Variants in EXOC6 observed in about 807,000 individuals in gnomAD.
EXOC6 encodes SEC15-like 1.
EXOC6 carries 60 observed loss-of-function variants against 112.5 expected under a neutral mutation model. The observed-to-expected ratio is 0.53, with a 90% CI of 0.43 to 0.66. The LOEUF is 0.66. EXOC6 is among the 30% of genes least tolerant of loss of function. The pLI is 0.00. For missense variants in EXOC6, 855 were observed against 957.1 expected, an observed-to-expected ratio of 0.89 and a Z score of 1.41; for synonymous variants, 295 against 308.0, an observed-to-expected ratio of 0.96 and a Z score of 0.44.
At chr10:92,931,912 A>T (rs574649149) in intron 9 of EXOC6, among the ~76,000 whole-genome samples, 12 of 152,088 alleles carry the variant, frequency 7.9e-5, no homozygotes, top group Admixed American at 3.9e-4. Context: ...CTCTTCTATG[A>T]CCTAGCAGTC....
At chr10:92,902,791 C>T (rs541537938) in intron 5 of EXOC6, among the ~76,000 whole-genome samples, 17 of 152,234 alleles carry the variant, frequency 1.1e-4, no homozygotes, top group Admixed American at 2.0e-4. Context: ...CTAGAAATAA[C>T]CACTTTCTGA....
chr10:92,959,364 A>G lies in EXOC6; in HGVS notation c.1773+3650A>G, dbSNP rs565240854. ...CAAAAACTGACTCAAAATGTTTCACAGATCTGTATGTAAAATGCAAAATGA... is the reference window on the plus strand; with the variant it reads ...CAAAAACTGACTCAAAATGTTTCACGGATCTGTATGTAAAATGCAAAATGA... On this transcript the variant is annotated intron_variant, in intron 17 of 21. Coordinates refer to ENST00000260762, the MANE Select transcript of EXOC6 (RefSeq NM_019053.6). Among the ~76,000 whole-genome samples the G allele has an allele frequency of 8.5e-5, 13 of 152,342 alleles. 1 individual carries two copies. In the South Asian group the frequency reaches 2.7e-3, roughly 32 times the overall value.
At chr10:92,853,749 A>G (rs889054038) in intron 1 of EXOC6, among the ~76,000 whole-genome samples, 1 of 152,214 alleles carries the variant, frequency 6.6e-6, no homozygotes, top group African/African-American at 2.4e-5. Flanking sequence ...AAATGAACCC[A>G]AGACCTAAAT....
At position 93,042,042 on chromosome 10, in the gene EXOC6, C is replaced by T. The variant is rs1198205955; in HGVS notation, c.2170-14882C>T. 2.0e-5 allele frequency among the ~76,000 whole-genome samples: 3 copies of T among 152,190 alleles called. No individual in the cohort carries two copies. In the East Asian group the frequency reaches 5.8e-4, roughly 29 times the overall value. On this transcript the variant is annotated intron_variant, in intron 20 of 21. Transcript: ENST00000260762. ...CTTGTTTAGAACCTTTCAATGGCTA[C>T]CCAAAGTTCCTGAACAAGGCATATA... is the stretch of plus-strand genomic sequence containing the variant.
chr10:92,917,310 C>T (rs1346675840), intron 7 of EXOC6, among the ~76,000 whole-genome samples: 2 of 151,778 alleles, frequency 1.3e-5, no homozygotes, highest in African/African-American at 4.8e-5. Flanking sequence ...TACCTGTTGT[C>T]AGATTTTTAT....
At chr10:92,936,467 A>G (rs9645558) in intron 12 of EXOC6, among the ~76,000 whole-genome samples, 38,897 of 152,158 alleles carry the variant, frequency 0.26, 6,266 homozygotes, top group East Asian at 0.73. Flanking sequence ...AAATCACTTT[A>G]CTTTTTTGAG....
intron 13 of EXOC6, among the ~76,000 whole-genome samples, chr10:92,947,971 AG>A (rs1261989680): frequency 7.9e-5 from 12 of 152,186 alleles, no homozygotes; most frequent in African/African-American, 2.9e-4. Context: ...TTTTAGTTAC[AG>A]ATAATGAGCT....
chr10:92,988,025 T>C (rs773162167), intron 18 of EXOC6, among the ~76,000 whole-genome samples: 1 of 152,210 alleles, frequency 6.6e-6, no homozygotes, highest in African/African-American at 2.4e-5. Context: ...ATATAATAAA[T>C]ACTCAAAAAA....
intron 17 of EXOC6, among the ~76,000 whole-genome samples, chr10:92,972,020 G>T (rs1268665043): frequency 6.6e-6 from 1 of 152,090 alleles, no homozygotes; most frequent in Admixed American, 6.5e-5. Flanking sequence ...GTCATATGTG[G>T]CCACTGAAGT....
chr10:93,035,869 C>T (rs376001558), intron 20 of EXOC6, among the ~76,000 whole-genome samples: 57 of 151,594 alleles, frequency 3.8e-4, no homozygotes, highest in African/African-American at 1.3e-3. Flanking sequence ...AAAACAGAAA[C>T]GAAAACACAG....
At chr10:92,955,386 G>A (rs556878920) in intron 16 of EXOC6, among the ~76,000 whole-genome samples, 194 bp from the exon 17 acceptor site, 1,662 of 148,710 alleles carry the variant, frequency 0.011, 16 homozygotes, top group Non-Finnish European at 0.016. Context: ...GTGTGTGTGT[G>A]TGTATATATA....
At chr10:92,935,697 T>TA (rs1035279331) in intron 11 of EXOC6, 117 bp from the exon 12 acceptor site, 2 of 771,742 alleles carry the variant, frequency 2.6e-6, no homozygotes, top group African/African-American at 1.8e-5. Flanking sequence ...TTAAACTTAT[T>TA]ATAAGTCTGG....
At chr10:92,927,206 T>C (rs901781501) in intron 8 of EXOC6, among the ~76,000 whole-genome samples, 45 of 152,276 alleles carry the variant, frequency 3.0e-4, no homozygotes, top group African/African-American at 1.1e-3. Context: ...TTCCTGTAGT[T>C]TTTTTCTTTT....
Position 93,054,602 on chromosome 10 carries a change from T to C in EXOC6, c.2170-2322T>C, listed in dbSNP as rs77767687. 5.5e-3 allele frequency among the ~76,000 whole-genome samples: 831 copies of C among 152,362 alleles called. 4 individuals are homozygous for C. Among genetic ancestry groups the C allele is most frequent in the African/African-American group, 0.014 (590 of 41,588 alleles). ...GTGAACATTGTAAGCATAGTGTTTC[T>C]TTATCCAGGACAGTCTGGTCTTGTG... On this transcript the variant is annotated intron_variant, in intron 20 of 21. Transcript: ENST00000260762.
At chr10:92,857,847 C>T (rs1414506557) in intron 1 of EXOC6, among the ~76,000 whole-genome samples, 1 of 151,486 alleles carries the variant, frequency 6.6e-6, no homozygotes, top group Non-Finnish European at 1.5e-5. Context: ...TGAGTTCACT[C>T]TTAATCGTGA....
At chr10:92,854,280 T>C (rs1186158935) in intron 1 of EXOC6, among the ~76,000 whole-genome samples, 1 of 151,760 alleles carries the variant, frequency 6.6e-6, no homozygotes, top group Non-Finnish European at 1.5e-5. Flanking sequence ...TCTACTAAAA[T>C]ACAAAAATTA....
At chr10:92,988,726 G>A (rs1468400143) in intron 18 of EXOC6, among the ~76,000 whole-genome samples, 1 of 151,984 alleles carries the variant, frequency 6.6e-6, no homozygotes, top group Non-Finnish European at 1.5e-5. Flanking sequence ...TTGGGAGGCC[G>A]AGGCAGGTGG....
At chr10:92,859,040 C>T (rs986318588) in intron 1 of EXOC6, among the ~76,000 whole-genome samples, 1 of 152,238 alleles carries the variant, frequency 6.6e-6, no homozygotes, top group Non-Finnish European at 1.5e-5. Context: ...GTTAGGATTA[C>T]AGGCATGAGC....
chr10:92,919,226 G>C (rs559192228), intron 7 of EXOC6, among the ~76,000 whole-genome samples: 1 of 152,158 alleles, frequency 6.6e-6, no homozygotes, highest in Admixed American at 6.5e-5. Flanking sequence ...GGAGCTTGGT[G>C]GTTTCCCTGT....
Sources: allele counts gnomAD v4.1 joint callset (sites outside exome capture counted in the v4.1 genomes callset), GRCh38; gene constraint gnomAD v4.1.1; transcripts MANE v1.5; gene names NCBI Gene and HGNC (gene_info 2026-07-23, HGNC 2026-07-21).